Variants in CCND3 observed in about 807,000 individuals in gnomAD.
The protein encoded by CCND3 is cyclin D3.
Under a neutral mutation model 28.7 loss-of-function variants are expected in CCND3, and 9 were observed. The ratio of observed to expected loss-of-function variants is 0.31; its 90% CI spans 0.19 to 0.55. The LOEUF is 0.55. CCND3 is among the 20% of genes least tolerant of loss of function. CCND3 has a pLI of 0.93. For synonymous variants in CCND3, 164 were observed against 163.9 expected (o/e 1.00, Z 0.00); for missense variants, 315 against 385.8 (o/e 0.82, Z 1.54).
At chr6:42,003,343 T>C (rs1763071043) in intron 1 of CCND3, among the ~76,000 whole-genome samples, 1 of 150,368 alleles carries the variant, frequency 6.7e-6, no homozygotes, top group Non-Finnish European at 1.5e-5. Context: ...CTGACCAACA[T>C]GGAGAAACCT....
At chr6:42,023,641 T>C (rs1190247857) in intron 1 of CCND3, among the ~76,000 whole-genome samples, 1 of 152,110 alleles carries the variant, frequency 6.6e-6, no homozygotes, top group Non-Finnish European at 1.5e-5. Flanking sequence ...TTATAATAAC[T>C]AGGGTAGCCG....
chr6:42,040,284 G>T (rs541133355), intron 1 of CCND3, among the ~76,000 whole-genome samples: 2 of 152,280 alleles, frequency 1.3e-5, no homozygotes, highest in Admixed American at 1.3e-4. Context: ...TGGGCATGGT[G>T]GTGGGAGCCT....
At position 41,962,567 on chromosome 6, in the gene CCND3, C is replaced by G. The variant is rs193035899; in HGVS notation, c.-45-21982G>C. On this transcript the variant is annotated intron_variant, in intron 1 of 4. Coordinates refer to the CCND3 transcript ENST00000372988. Reference sequence around the variant, plus strand: ...AGGAGTTTGAGATCGGACTGCACAACCTAGCAAGACCCCGTCTCTACAAAA... The same window carrying G: ...AGGAGTTTGAGATCGGACTGCACAAGCTAGCAAGACCCCGTCTCTACAAAA... Among the ~76,000 whole-genome samples the G allele has an allele frequency of 1.6e-3, 246 of 152,242 alleles. 1 individual carries two copies. The highest frequency in any genetic ancestry group is 2.4e-3 in the Non-Finnish European group (162 of 68,012).
chr6:41,970,864 T>G (rs531626743), intron 1 of CCND3, among the ~76,000 whole-genome samples: 1 of 152,200 alleles, frequency 6.6e-6, no homozygotes, highest in African/African-American at 2.4e-5. Context: ...CTGTTTTTTT[T>G]CCACCAACTC....
At chr6:41,957,202 T>A (rs1222124150) in intron 1 of CCND3, among the ~76,000 whole-genome samples, 1 of 152,244 alleles carries the variant, frequency 6.6e-6, no homozygotes, top group Non-Finnish European at 1.5e-5. Flanking sequence ...CATCTTCACA[T>A]TGCTTCCAGA....
intron 1 of CCND3, among the ~76,000 whole-genome samples, chr6:41,989,557 C>CA (rs1469361064): frequency 6.6e-6 from 1 of 150,684 alleles, no homozygotes; most frequent in African/African-American, 2.4e-5. Flanking sequence ...CTACAGATAG[C>CA]AAATAAGCAT....
At chr6:42,023,947 A>G (rs1352726615) in intron 1 of CCND3, among the ~76,000 whole-genome samples, 3 of 152,218 alleles carry the variant, frequency 2.0e-5, no homozygotes, top group Admixed American at 1.3e-4. Context: ...TGTCACAATA[A>G]CAGCCTAATA....
In CCND3 at chr6:42,008,147, G is replaced by A. The variant is rs190876192; in HGVS notation, c.-46+40354C>T. ...TGTAATCTCAGCACTTTGGGAGGTCGAGGTGGGCAGATCACCTCAGGTCAG... is the reference window on the plus strand; with the variant it reads ...TGTAATCTCAGCACTTTGGGAGGTCAAGGTGGGCAGATCACCTCAGGTCAG... On this transcript the variant is annotated intron_variant, in intron 1 of 4. Transcript: ENST00000372988. Among the ~76,000 whole-genome samples, 21 of 152,236 alleles carry A rather than the reference G, an allele frequency of 1.4e-4. 2 individuals carry two copies. Among genetic ancestry groups the A allele is most frequent in the African/African-American group, 4.3e-4 (18 of 41,540 alleles).
intron 1 of CCND3, among the ~76,000 whole-genome samples, chr6:41,979,556 T>TAA (rs1762278665): frequency 1.4e-5 from 2 of 141,224 alleles, no homozygotes; most frequent in African/African-American, 5.3e-5. Context: ...AAAAGAAAAA[T>TAA]ATATATATAT....
At chr6:41,945,408 C>A (rs907752509), upstream of CCND3, among the ~76,000 whole-genome samples, 1 of 152,056 alleles carries the variant, frequency 6.6e-6, no homozygotes, top group African/African-American at 2.4e-5. Context: ...CCAGCTACTC[C>A]GGAGGCTGAG....
At chr6:41,959,245 C>T (rs186004722) in intron 1 of CCND3, among the ~76,000 whole-genome samples, 8 of 152,114 alleles carry the variant, frequency 5.3e-5, no homozygotes, top group South Asian at 2.1e-4. Flanking sequence ...AACCAGGAGG[C>T]GGAGGTTGCG....
At chr6:41,940,107 GAA>G (rs1775943380) in intron 2 of CCND3, among the ~76,000 whole-genome samples, 1 of 152,172 alleles carries the variant, frequency 6.6e-6, no homozygotes, top group African/African-American at 2.4e-5. Flanking sequence ...CTATCTGGGG[GAA>G]AGACCAGGAA....
rs1775800780 is a variant in CCND3, at chr6:41,936,528, A to G, written c.711+31T>C. On this transcript the variant is annotated intron_variant, in intron 4 of 4. Transcript: ENST00000372991. The surrounding 1 kb of genome is among the most constrained non-coding windows in gnomAD (Gnocchi z 4.4). ...GGGCATAGCACTACTTTATGAATGG[A>G]GAGGCTGCTGCCCAGCTACCCAGCA... 6.2e-7 allele frequency: 1 copy of G among 1,611,818 alleles called. No individual in the cohort carries two copies. The highest frequency in any genetic ancestry group is 8.5e-7 in the Non-Finnish European group (1 of 1,178,764).
chr6:41,951,554 AC>A, intron 1 of CCND3, among the ~76,000 whole-genome samples: 1 of 68,592 alleles, frequency 1.5e-5, no homozygotes, highest in Admixed American at 1.4e-4. Flanking sequence ...ACACACACAC[AC>A]ACACACACAC....
chr6:41,935,741 A>C lies in CCND3; in HGVS notation c.*199T>G, dbSNP rs1775759895. On this transcript the variant is annotated 3_prime_UTR_variant, in exon 5 of 5. Transcript: ENST00000372991. ...AGATGCAGGGAGGAGGAGCTTGACT[A>C]GCCACCGAAATGCAGACATGGCTGG... is the stretch of plus-strand genomic sequence containing the variant. The C allele has an allele frequency of 1.2e-5, 7 of 576,630 alleles. No homozygotes were observed. In the South Asian group the frequency reaches 1.5e-4, roughly 13 times the overall value. The allele number at this position is 576,630 out of a possible 1,614,324, so 35.7% of individuals were successfully genotyped here.
At chr6:41,978,038 A>G (rs1762230834) in intron 1 of CCND3, among the ~76,000 whole-genome samples, 2 of 151,344 alleles carry the variant, frequency 1.3e-5, no homozygotes, top group Non-Finnish European at 2.9e-5. Flanking sequence ...CTGGGTGACA[A>G]AGTGAGACCC....
rs552867932 is a variant in CCND3 at position 41,953,693 on chromosome 6, G to C, written c.-45-13108C>G. On this transcript the variant is annotated intron_variant, in intron 1 of 4. Coordinates refer to the CCND3 transcript ENST00000372988. Reference sequence around the variant, plus strand: ...TTTCAGGGGAGGTCAGGGACTCCCTGGTCTTGGAGGTTGAATCCAAGTTAC... The same window carrying C: ...TTTCAGGGGAGGTCAGGGACTCCCTCGTCTTGGAGGTTGAATCCAAGTTAC... Among the ~76,000 whole-genome samples, 7 of 152,058 alleles carry C rather than the reference G, an allele frequency of 4.6e-5. 1 individual carries two copies. The Middle Eastern group carries it at 0.017, about 369-fold the overall frequency.
At chr6:42,009,326 A>G (rs1233367507) in intron 1 of CCND3, among the ~76,000 whole-genome samples, 1 of 152,032 alleles carries the variant, frequency 6.6e-6, no homozygotes, top group Admixed American at 6.6e-5. Context: ...AAATACAAAA[A>G]TTGGGCCAGA....
At chr6:42,047,455 C>T (rs1205768771) in intron 1 of CCND3, among the ~76,000 whole-genome samples, 6 of 152,094 alleles carry the variant, frequency 3.9e-5, no homozygotes, top group Non-Finnish European at 7.4e-5. Context: ...CGTCTGGTCC[C>T]AAAGAGAAAT....
Sources: allele counts gnomAD v4.1 joint callset (sites outside exome capture counted in the v4.1 genomes callset), GRCh38; gene constraint gnomAD v4.1.1; non-coding constraint Gnocchi (gnomAD v3.1); transcripts MANE v1.5; gene names NCBI Gene and HGNC (gene_info 2026-07-23, HGNC 2026-07-21).